MAST1: variants seen among roughly 807,000 people sequenced by gnomAD.
MAST1 encodes microtubule associated serine/threonine kinase 1, also known as microtubule-associated serine/threonine-protein kinase 1.
MAST1 carries 40 observed loss-of-function variants against 124.6 expected under a neutral mutation model. The observed-to-expected ratio is 0.32, with a 90% confidence interval of 0.25 to 0.42. The LOEUF is 0.42. Among genes scored for constraint, MAST1 ranks in the 10% least tolerant of loss-of-function variants. The pLI, the probability that MAST1 is intolerant of heterozygous loss-of-function variation, is 1.00. For synonymous variants in MAST1, 938 were observed against 939.4 expected, an observed-to-expected ratio of 1.00 and a Z score of 0.03; for missense variants, 1,558 against 2,181.9, an observed-to-expected ratio of 0.71 and a Z score of 5.70.
Position 12,864,818 on chromosome 19 carries a change from G to A in MAST1, c.1376G>A (p.Cys459Tyr). The A allele has an allele frequency of 6.2e-7, 1 of 1,613,822 alleles. No individual in the cohort carries two copies. The highest frequency in any genetic ancestry group is 8.5e-7 in the Non-Finnish European group (1 of 1,180,020). The change falls in exon 13 of 26, where the codon TGT becomes TAT. Residue 459 changes from cysteine (C) to tyrosine (Y), a missense_variant. Physicochemically the swap from Cys to Tyr is radical, Grantham distance 194. Around this residue, in one of 10 missense-constraint regions of MAST1, gnomAD observed 145 missense variants for 350.0 expected, o/e 0.41. Transcript: ENST00000251472. ...MVMEYVEGGD[C>Y]ATLLKNIGAL... ...ATTTCCTGGCCTGCAGGCGGCGACT[G>A]TGCCACCCTGCTGAAGAATATTGGA...
intron 7 of MAST1, among the ~76,000 whole-genome samples, chr19:12,850,033 G>A (rs908519614): frequency 2.6e-5 from 4 of 151,834 alleles, no homozygotes; most frequent in Non-Finnish European, 5.9e-5. Flanking sequence ...CCTGACCTTA[G>A]GTGATCCACC....
intron 1 of MAST1, among the ~76,000 whole-genome samples, chr19:12,839,636 A>G (rs1274522289): frequency 1.3e-5 from 2 of 152,236 alleles, no homozygotes; most frequent in African/African-American, 4.8e-5. Context: ...AAATTCACAC[A>G]ATAGATGCTA....
chr19:12,873,267 G>T, intron 24 of MAST1, 57 bp from the exon 25 acceptor site: 1 of 1,546,614 alleles, frequency 6.5e-7, no homozygotes. Flanking sequence ...GAAATGGGAG[G>T]AGCCCTGAGC....
In MAST1 at chr19:12,868,654, C is replaced by T. The variant is rs188692548; in HGVS notation, c.2578C>T (p.Arg860Cys). 17 of 1,595,352 alleles carry T rather than the reference C, an allele frequency of 1.1e-5. No homozygotes were observed. The East Asian group carries it at 2.5e-4, about 23-fold the overall frequency. The stretch of plus-strand genomic sequence containing the variant: ...GCTTTCTGTTGCAGCTGACCGTCCA[C>T]GCCCAGGTGACCTCTGCCCACCCTC... ...AGDSEATDRP[R>C]PGDLCPPSKD... The change falls in exon 21 of 26, where the codon CGC becomes TGC. Residue 860 changes from arginine to cysteine, a missense_variant. This residue lies in a region of MAST1 where 287 missense variants were observed against 308.0 expected (regional missense o/e 0.93). Transcript: ENST00000251472.
rs1451749116 is a variant in MAST1, at chr19:12,873,530, G to C, written c.3451+19G>C. 6.3e-7 allele frequency: 1 copy of C among 1,593,642 alleles called. No homozygotes were observed. Among genetic ancestry groups the C allele is most frequent in the Non-Finnish European group, 8.5e-7 (1 of 1,172,312 alleles). On this transcript the variant is annotated intron_variant, in intron 25 of 25. Coordinates refer to ENST00000251472, the MANE Select transcript of MAST1 (RefSeq NM_014975.3). ...TACCTAGGTATTACCTCCTGCACCTGCGCGGGGACCGAGCAGCGCGGGGTG... is the reference window on the plus strand; with the variant it reads ...TACCTAGGTATTACCTCCTGCACCTCCGCGGGGACCGAGCAGCGCGGGGTG...
At chr19:12,861,680 C>CTCTTTCTTTCTT (rs3064403) in intron 12 of MAST1, among the ~76,000 whole-genome samples, 1,919 of 143,564 alleles carry the variant, frequency 0.013, 26 homozygotes, top group Admixed American at 0.023. Context: ...TTCTTTTTCT[C>CTCTTTCTTTCTT]TCTTTCTTTC....
At chr19:12,870,754 A>G (rs1970223338) in intron 22 of MAST1, 70 bp from the exon 23 acceptor site, 2 of 1,493,258 alleles carry the variant, frequency 1.3e-6, no homozygotes, top group Non-Finnish European at 9.0e-7. Flanking sequence ...AGTGTCCTGC[A>G]TATAAGTTTA....
In MAST1 at chr19:12,873,338, C is replaced by A. The variant is rs1387940913; in HGVS notation, c.3278C>A (p.Ser1093Tyr). 6.2e-7 allele frequency: 1 copy of A among 1,613,212 alleles called. No individual in the cohort carries two copies. Among genetic ancestry groups the A allele is most frequent in the Non-Finnish European group, 8.5e-7 (1 of 1,179,284 alleles). The change falls in exon 25 of 26, where the codon TCC (serine) becomes TAC (tyrosine). Residue 1093 changes from serine (S) to tyrosine (Y), a missense_variant. Ser to Tyr is a moderately radical substitution (Grantham distance 144). Transcript: ENST00000251472. ...CTGTCCCGCAGCAAGAAGCGCAGCTCCCTCTTCCGGAAGATCACGAAGCAG... is the reference window on the plus strand; with the variant it reads ...CTGTCCCGCAGCAAGAAGCGCAGCTACCTCTTCCGGAAGATCACGAAGCAG... ...KEGQESKKRS[S>Y]LFRKITKQSN...
At chr19:12,853,466 G>C (rs1245084511) in intron 10 of MAST1, among the ~76,000 whole-genome samples, 1 of 151,636 alleles carries the variant, frequency 6.6e-6, no homozygotes, top group African/African-American at 2.4e-5. Context: ...TGAGGTGGGA[G>C]GATCCTATGA....
intron 4 of MAST1, among the ~76,000 whole-genome samples, chr19:12,845,390 C>G (rs923503002): frequency 8.8e-6 from 1 of 114,074 alleles, no homozygotes; most frequent in Non-Finnish European, 1.7e-5. Flanking sequence ...ACCTGAGCAA[C>G]GTGATGAAAC....
chr19:12,860,908 G>A (rs1179120432), intron 12 of MAST1, among the ~76,000 whole-genome samples: 3 of 151,778 alleles, frequency 2.0e-5, no homozygotes, highest in African/African-American at 7.3e-5. Context: ...GTCACTCAAC[G>A]AACACCTCCT....
At chr19:12,844,064 C>T (rs1213310793) in intron 4 of MAST1, among the ~76,000 whole-genome samples, 2 of 152,140 alleles carry the variant, frequency 1.3e-5, no homozygotes, top group Non-Finnish European at 2.9e-5. Flanking sequence ...TTCACTTGTC[C>T]ATCTATTAAA....
intron 20 of MAST1, 108 bp from the exon 21 acceptor site, chr19:12,868,535 A>C (rs1970191621): frequency 1.1e-6 from 1 of 941,580 alleles, no homozygotes; most frequent in African/African-American, 1.6e-5. Context: ...GATGAAACTC[A>C]CCATCCATCA....
At position 12,847,544 on chromosome 19, in the gene MAST1, C is replaced by G; in HGVS notation, c.489-68C>G. On this transcript the variant is annotated intron_variant, in intron 5 of 25. Transcript: ENST00000251472. This position sits in a 1 kb window ranked among gnomAD's most constrained non-coding sequence, Gnocchi z 5.5. ...GTCCCCGCGAATAAAAGGGTTACAT[C>G]TTGGGGCGGGGGCTCTCTGCGGGCT... The G allele has an allele frequency of 6.2e-7, 1 of 1,613,134 alleles. No individual in the cohort carries two copies. The highest frequency in any genetic ancestry group is 8.5e-7 in the Non-Finnish European group (1 of 1,179,378).
At chr19:12,860,896 C>T (rs1033386760) in intron 12 of MAST1, among the ~76,000 whole-genome samples, 5 of 151,984 alleles carry the variant, frequency 3.3e-5, no homozygotes, top group Non-Finnish European at 5.9e-5. Context: ...GTCAACCATC[C>T]AGTCACTCAA....
chr19:12,845,057 T>C (rs1324394773), intron 4 of MAST1, among the ~76,000 whole-genome samples: 1 of 151,906 alleles, frequency 6.6e-6, no homozygotes, highest in African/African-American at 2.4e-5. Context: ...ATCCTAGCAT[T>C]TTGGGAGGCT....
intron 10 of MAST1, among the ~76,000 whole-genome samples, chr19:12,855,940 ATTT>A (rs34217759): frequency 2.9e-5 from 4 of 137,866 alleles, no homozygotes; most frequent in Non-Finnish European, 3.2e-5. Context: ...AATTCTGTCA[ATTT>A]TTTTTTTTTT....
chr19:12,871,101 A>G lies in MAST1; in HGVS notation c.3192A>G (p.Ala1064=). 6.2e-7 allele frequency: 1 copy of G among 1,614,178 alleles called. No homozygotes were observed. The highest frequency in any genetic ancestry group is 1.3e-5 in the African/African-American group (1 of 75,058). ...FENTSIRIGP[A]RRSSYKAKMA... ...ATACCTCTATCCGCATTGGTCCCGC[A>G]AGGCGCAGCAGCTACAAGGCTAAAA... The change falls in exon 24 of 26, where the codon GCA becomes GCG. Residue 1064 remains alanine, a synonymous_variant. Transcript: ENST00000251472.
chr19:12,852,501 C>A, intron 10 of MAST1, 106 bp downstream of exon 10: 1 of 1,036,800 alleles, frequency 9.6e-7, no homozygotes, highest in Non-Finnish European at 1.5e-6. Context: ...CTTGGTCCTA[C>A]ACTCTGAGCC....
Sources: allele counts gnomAD v4.1 joint callset (sites outside exome capture counted in the v4.1 genomes callset), GRCh38; gene constraint gnomAD v4.1.1; regional missense constraint gnomAD v4.1.1; non-coding constraint Gnocchi (gnomAD v3.1); transcripts MANE v1.5; gene names NCBI Gene and HGNC (gene_info 2026-07-23, HGNC 2026-07-21).